SGK2: variants seen among roughly 807,000 people sequenced by gnomAD.
The protein encoded by SGK2 is serum/glucocorticoid regulated kinase 2.
Under a neutral mutation model 47.5 loss-of-function variants are expected in SGK2, and 36 were observed. The observed-to-expected ratio is 0.76, with a 90% CI of 0.58 to 1.00. SGK2 has a LOEUF of 1.00. Ranked by LOEUF, SGK2 falls within the 50% of genes least tolerant of loss-of-function variation. The probability of loss-of-function intolerance (pLI) is 0.00; values close to 1 mark genes in which losing one functional copy is unlikely to be tolerated. For missense variants in SGK2, 404 were observed against 467.4 expected (o/e 0.86, Z 1.25); for synonymous variants, 157 against 181.9 (o/e 0.86, Z 1.10).
intron 4 of SGK2, 72 bp downstream of exon 4, chr20:43,567,794 T>C: frequency 6.4e-7 from 1 of 1,567,330 alleles, no homozygotes; most frequent in East Asian, 2.2e-5. Flanking sequence ...TGCTGCCACT[T>C]GTATGTATGA....
intron 1 of SGK2, among the ~76,000 whole-genome samples, chr20:43,562,648 G>A (rs1001666659): frequency 3.3e-5 from 5 of 152,088 alleles, no homozygotes; most frequent in African/African-American, 1.2e-4. Context: ...GGCTGAGGCA[G>A]GAGAATCGCT....
chr20:43,576,033 T>C (rs1980438647), intron 10 of SGK2, among the ~76,000 whole-genome samples, 191 bp from the exon 11 acceptor site: 1 of 152,204 alleles, frequency 6.6e-6, no homozygotes, highest in African/African-American at 2.4e-5. Flanking sequence ...AAGAGACTTC[T>C]GACCTTCCTA....
At chr20:43,584,759 TCA>T (rs1980998606) in intron 12 of SGK2, 91 bp from the exon 13 acceptor site, 1 of 959,762 alleles carries the variant, frequency 1.0e-6, no homozygotes, top group African/African-American at 1.6e-5. Context: ...CATGGGGCAC[TCA>T]CAGAGGCCTG....
chr20:43,569,509 G>T lies in SGK2; in HGVS notation c.353G>T (p.Gly118Val), dbSNP rs767901983. Residue 118 changes from glycine to valine, a missense_variant, in exon 6 of 13, where the codon GGG becomes GTG. Physicochemically the swap from Gly to Val is moderately radical, Grantham distance 109 (BLOSUM62 -3). Transcript: ENST00000373100. ...KLYFVLDYVN[G>V]GELFFHLQRE... ...TACTTCGTGCTCGACTATGTCAACG[G>T]GGGAGAGGTGGGTGGGCCCACAGGG... 1 of 1,612,802 alleles carries T rather than the reference G, an allele frequency of 6.2e-7. No individual in the cohort carries two copies. Among genetic ancestry groups the T allele is most frequent in the East Asian group, 2.2e-5 (1 of 44,868 alleles).
At chr20:43,562,671 C>T (rs1979463783) in intron 1 of SGK2, among the ~76,000 whole-genome samples, 2 of 151,878 alleles carry the variant, frequency 1.3e-5, no homozygotes, top group African/African-American at 4.8e-5. Flanking sequence ...AACCAGAAAG[C>T]GGAGCTTGCA....
chr20:43,566,554 C>T (rs765539452), intron 2 of SGK2, 23 bp downstream of exon 2: 14 of 1,523,996 alleles, frequency 9.2e-6, no homozygotes, highest in Admixed American at 5.2e-5. Flanking sequence ...TGGTCCCCCA[C>T]CCATCATCGG....
intron 9 of SGK2, among the ~76,000 whole-genome samples, chr20:43,573,033 G>A (rs1980234689): frequency 6.6e-6 from 1 of 152,148 alleles, no homozygotes; most frequent in Non-Finnish European, 1.5e-5. Context: ...CAACAAGAGG[G>A]CCTGGCCTGA....
Position 43,575,013 on chromosome 20 carries a change from G to T in SGK2, c.693+9G>T. ...AGATGCTCCATGGCCTGGTGAGTCAGGGGTAGCCATCTACAAGGGCCATCT... is the reference window on the plus strand; with the variant it reads ...AGATGCTCCATGGCCTGGTGAGTCATGGGTAGCCATCTACAAGGGCCATCT... On this transcript the variant is annotated intron_variant, in intron 10 of 12. Coordinates refer to ENST00000373100, the MANE Select transcript of SGK2 (RefSeq NM_170693.3). 6.2e-7 allele frequency: 1 copy of T among 1,605,238 alleles called. No individual in the cohort carries two copies. Among genetic ancestry groups the T allele is most frequent in the Middle Eastern group, 1.7e-4 (1 of 6,018 alleles).
At chr20:43,563,052 C>G (rs1194896381) in intron 1 of SGK2, among the ~76,000 whole-genome samples, 2 of 150,488 alleles carry the variant, frequency 1.3e-5, no homozygotes, top group African/African-American at 4.9e-5. Context: ...GGGAGTATCA[C>G]TTGAACCTGG....
At chr20:43,579,697 C>G (rs528426938) in intron 11 of SGK2, among the ~76,000 whole-genome samples, 1 of 152,238 alleles carries the variant, frequency 6.6e-6, no homozygotes, top group East Asian at 1.9e-4. Context: ...ACTGACACCC[C>G]CAAAGCCTAG....
intron 5 of SGK2, among the ~76,000 whole-genome samples, chr20:43,568,787 G>A (rs1055916001): frequency 2.0e-5 from 3 of 152,188 alleles, no homozygotes; most frequent in Admixed American, 6.6e-5. Context: ...TGGATTTCTT[G>A]ATGCCTCAGC....
rs1282387221 is a variant in SGK2 at position 43,585,529 on chromosome 20, T to A, written c.*513T>A. ...ATGTTGGGTAGGCAGCCAGCACTCT[T>A]TTACCAGAGGGCCTCCTGGTGTTTG... On this transcript the variant is annotated 3_prime_UTR_variant, in exon 13 of 13. Transcript: ENST00000373100. 6.5e-6 allele frequency: 1 copy of A among 153,350 alleles called. No individual in the cohort carries two copies. The highest frequency in any genetic ancestry group is 1.5e-5 in the Non-Finnish European group (1 of 68,780). 9.5% of individuals were successfully genotyped at this position (153,350 alleles called of 1,614,324 possible).
intron 1 of SGK2, among the ~76,000 whole-genome samples, chr20:43,561,675 C>T (rs1263785939): frequency 6.6e-6 from 1 of 151,872 alleles, no homozygotes; most frequent in Non-Finnish European, 1.5e-5. Flanking sequence ...GTGTGAGCCA[C>T]CGCGCCCAGC....
Position 43,569,536 on chromosome 20 carries a change from G to T in SGK2, c.360+20G>T. On this transcript the variant is annotated intron_variant, in intron 6 of 12. Transcript: ENST00000373100. ...GGAGAGGTGGGTGGGCCCACAGGGA[G>T]GCTTCCCTGGGCTGGCTCTCGGCTG... 6.2e-7 allele frequency: 1 copy of T among 1,610,102 alleles called. No homozygotes were observed. Among genetic ancestry groups the T allele is most frequent in the South Asian group, 1.1e-5 (1 of 91,034 alleles).
intron 10 of SGK2, 39 bp from the exon 11 acceptor site, chr20:43,576,185 G>C: frequency 6.2e-7 from 1 of 1,608,602 alleles, no homozygotes; most frequent in South Asian, 1.1e-5. Flanking sequence ...TGTTCACTTT[G>C]CATGGGTGAT....
chr20:43,564,381 G>A (rs1979555788), intron 1 of SGK2, among the ~76,000 whole-genome samples: 2 of 152,360 alleles, frequency 1.3e-5, no homozygotes, highest in South Asian at 2.1e-4. Flanking sequence ...GGGAGGCGAA[G>A]GGCTCTCAGC....
intron 11 of SGK2, among the ~76,000 whole-genome samples, chr20:43,577,076 G>T (rs1401437196): frequency 6.6e-6 from 1 of 152,166 alleles, no homozygotes. Context: ...ATGGGAGGGG[G>T]GGCAAATTAA....
chr20:43,562,282 G>A (rs1478505203), intron 1 of SGK2, among the ~76,000 whole-genome samples: 1 of 151,422 alleles, frequency 6.6e-6, no homozygotes, highest in East Asian at 1.9e-4. Context: ...GCCAAGCCTG[G>A]TGGTGTGTGT....
intron 11 of SGK2, among the ~76,000 whole-genome samples, chr20:43,577,299 A>G (rs922720007): frequency 3.3e-5 from 5 of 150,692 alleles, no homozygotes; most frequent in Non-Finnish European, 7.4e-5. Flanking sequence ...TTAAGTTTTT[A>G]GAAGATTCCT....
Sources: allele counts gnomAD v4.1 joint callset (sites outside exome capture counted in the v4.1 genomes callset), GRCh38; gene constraint gnomAD v4.1.1; transcripts MANE v1.5; gene names NCBI Gene and HGNC (gene_info 2026-07-23, HGNC 2026-07-21).